Variants in ATP8A2 observed in about 807,000 individuals in gnomAD.
ATP8A2 encodes the protein phospholipid-transporting ATPase IB.
A neutral mutation model predicts 165.6 loss-of-function variants in ATP8A2; 100 were observed. That is an observed-to-expected ratio of 0.60 (90% CI 0.51 to 0.71). ATP8A2 has a LOEUF of 0.71. Among genes scored for constraint, ATP8A2 ranks in the 30% least tolerant of loss-of-function variants. The pLI is 0.00. For synonymous variants in ATP8A2, 543 were observed against 548.8 expected (o/e 0.99, Z 0.15); for missense variants, 1,227 against 1,479.5 (o/e 0.83, Z 2.80).
At chr13:25,581,310 A>C (rs1343767909) in intron 22 of ATP8A2, among the ~76,000 whole-genome samples, 1 of 152,230 alleles carries the variant, frequency 6.6e-6, no homozygotes, top group Non-Finnish European at 1.5e-5. Context: ...TGGGCCTTTA[A>C]GAGGACCAAA....
chr13:25,675,711 T>C (rs1169738517), intron 24 of ATP8A2, among the ~76,000 whole-genome samples: 3 of 152,116 alleles, frequency 2.0e-5, no homozygotes, highest in Non-Finnish European at 4.4e-5. Context: ...AGAGTGAACA[T>C]GTTTGGAAGA....
At chr13:25,582,043 A>C in intron 23 of ATP8A2, 86 bp downstream of exon 23, 1 of 1,301,206 alleles carries the variant, frequency 7.7e-7, no homozygotes. Flanking sequence ...ATGTTTCTCA[A>C]ATTCATTGAC....
chr13:25,584,876 C>T (rs1160375451), intron 23 of ATP8A2, among the ~76,000 whole-genome samples: 1 of 152,062 alleles, frequency 6.6e-6, no homozygotes, highest in Non-Finnish European at 1.5e-5. Context: ...TTTTAATTGT[C>T]AGCATTATCT....
At chr13:25,468,195 G>C (rs111865036) in intron 1 of ATP8A2, among the ~76,000 whole-genome samples, 8 of 152,322 alleles carry the variant, frequency 5.3e-5, no homozygotes, top group South Asian at 2.1e-4. Context: ...ACCCAAAAAG[G>C]CTTGACCCAT....
intron 25 of ATP8A2, among the ~76,000 whole-genome samples, chr13:25,732,903 G>A (rs1040480561): frequency 3.3e-5 from 5 of 152,000 alleles, no homozygotes; most frequent in African/African-American, 4.8e-5. Context: ...TGAAAATATA[G>A]TACAAAACTC....
chr13:25,718,816 T>C (rs3132354), intron 25 of ATP8A2, among the ~76,000 whole-genome samples: 60,588 of 152,116 alleles, frequency 0.4, 13,880 homozygotes, highest in African/African-American at 0.64. Flanking sequence ...TATTTAGTGA[T>C]AGATGAAACT....
At chr13:25,592,340 A>G (rs1282792407) in intron 24 of ATP8A2, among the ~76,000 whole-genome samples, 1 of 151,956 alleles carries the variant, frequency 6.6e-6, no homozygotes, top group African/African-American at 2.4e-5. Context: ...CTTTGCACAT[A>G]TTATGCACTC....
At chr13:25,810,470 C>A (rs1950840929) in intron 27 of ATP8A2, among the ~76,000 whole-genome samples, 2 of 151,692 alleles carry the variant, frequency 1.3e-5, no homozygotes, top group South Asian at 4.2e-4. Context: ...TGTTATTGGG[C>A]CCAGCCCCAA....
intron 1 of ATP8A2, among the ~76,000 whole-genome samples, chr13:25,456,633 G>T (rs1367840324): frequency 1.3e-5 from 2 of 152,208 alleles, no homozygotes; most frequent in Admixed American, 6.5e-5. Context: ...AACCGTCGGA[G>T]AGGAAGGAAG....
intron 24 of ATP8A2, among the ~76,000 whole-genome samples, chr13:25,602,806 T>TTA (rs1429743687): frequency 6.6e-6 from 1 of 152,198 alleles, no homozygotes; most frequent in Non-Finnish European, 1.5e-5. Context: ...GCACAGTGGC[T>TTA]TATGCCTGTA....
intron 32 of ATP8A2, 26 bp downstream of exon 32, chr13:25,860,886 C>T: frequency 1.3e-6 from 2 of 1,501,306 alleles, no homozygotes; most frequent in Non-Finnish European, 1.8e-6. Flanking sequence ...AATTGTTTCT[C>T]TGTTCAGTAT....
intron 2 of ATP8A2, among the ~76,000 whole-genome samples, chr13:25,526,771 G>A (rs1593462179): frequency 6.6e-6 from 1 of 152,170 alleles, no homozygotes; most frequent in Non-Finnish European, 1.5e-5. Flanking sequence ...TAGTAGTCCT[G>A]CCTCCTCACT....
At chr13:25,376,346 A>G (rs1389488139) in intron 1 of ATP8A2, among the ~76,000 whole-genome samples, 1 of 152,242 alleles carries the variant, frequency 6.6e-6, no homozygotes, top group African/African-American at 2.4e-5. Context: ...TTGTGTGCTC[A>G]GTAATTACAG....
intron 1 of ATP8A2, among the ~76,000 whole-genome samples, chr13:25,405,814 C>T (rs775540173): frequency 3.3e-5 from 5 of 152,204 alleles, no homozygotes; most frequent in Non-Finnish European, 7.3e-5. Context: ...TCAAAGTGCA[C>T]GTCCTAGGCA....
At chr13:25,922,111 C>T (rs1025847810) in intron 33 of ATP8A2, among the ~76,000 whole-genome samples, 13 of 152,138 alleles carry the variant, frequency 8.5e-5, no homozygotes, top group Non-Finnish European at 1.5e-4. Flanking sequence ...AGAATAAGGA[C>T]GTGGAATTGT....
intron 2 of ATP8A2, chr13:25,516,988 T>A (rs2137815980): frequency 6.6e-6 from 1 of 151,708 alleles, no homozygotes; most frequent in East Asian, 1.9e-4. Context: ...ACCATGTGGG[T>A]CAGGCTGGCC....
chr13:25,757,457 C>T (rs1226169446), intron 25 of ATP8A2, among the ~76,000 whole-genome samples: 1 of 151,996 alleles, frequency 6.6e-6, no homozygotes, highest in African/African-American at 2.4e-5. Flanking sequence ...AAAGTTGTCA[C>T]TACTTTAAAT....
intron 1 of ATP8A2, among the ~76,000 whole-genome samples, chr13:25,375,933 C>G (rs2032609091): frequency 6.6e-6 from 1 of 152,108 alleles, no homozygotes; most frequent in South Asian, 2.1e-4. Context: ...CCCAACTCAC[C>G]CTGCCCTCTG....
At chr13:25,816,628 G>T (rs1174256408) in intron 27 of ATP8A2, among the ~76,000 whole-genome samples, 4 of 152,226 alleles carry the variant, frequency 2.6e-5, no homozygotes, top group Admixed American at 2.6e-4. Context: ...CAGAGATGGT[G>T]TCTCACCTTT....
Sources: allele counts gnomAD v4.1 joint callset (sites outside exome capture counted in the v4.1 genomes callset), GRCh38; gene constraint gnomAD v4.1.1; transcripts MANE v1.5; gene names NCBI Gene and HGNC (gene_info 2026-07-23, HGNC 2026-07-21).